Variants in ZNF385D observed in about 807,000 individuals in gnomAD.
The protein encoded by ZNF385D is zinc finger protein 385D.
ZNF385D carries 15 observed loss-of-function variants against 35.8 expected under a neutral mutation model. The ratio of observed to expected loss-of-function variants is 0.42; its 90% confidence interval spans 0.28 to 0.64. The LOEUF is 0.64. Ranked by LOEUF, ZNF385D falls within the 30% of genes least tolerant of loss-of-function variation. ZNF385D has a pLI of 0.23. For missense variants in ZNF385D, 474 were observed against 494.6 expected, an observed-to-expected ratio of 0.96 and a Z score of 0.39; for synonymous variants, 212 against 186.8, an observed-to-expected ratio of 1.13 and a Z score of -1.10.
chr3:21,967,899 G>A (rs1458412712), intron 3 of ZNF385D, among the ~76,000 whole-genome samples: 2 of 152,112 alleles, frequency 1.3e-5, no homozygotes, highest in African/African-American at 2.4e-5. Flanking sequence ...ACCACCATAA[G>A]AACTAAAAAT....
intron 3 of ZNF385D, among the ~76,000 whole-genome samples, chr3:21,842,132 C>A (rs1695721711): frequency 6.6e-6 from 1 of 151,824 alleles, no homozygotes. Flanking sequence ...AGATGAAAAA[C>A]CAATGACAGA....
At chr3:22,209,693 C>A (rs1300982922) in intron 2 of ZNF385D, among the ~76,000 whole-genome samples, 1 of 151,760 alleles carries the variant, frequency 6.6e-6, no homozygotes, top group African/African-American at 2.4e-5. Context: ...ATCATTACTG[C>A]TGATTCCACC....
At chr3:21,952,945 G>A (rs910868600) in intron 3 of ZNF385D, among the ~76,000 whole-genome samples, 4 of 151,934 alleles carry the variant, frequency 2.6e-5, no homozygotes, top group African/African-American at 9.7e-5. Context: ...CTTTCAAAGA[G>A]GTTTCCCATG....
chr3:21,826,706 T>C (rs1003041070), intron 3 of ZNF385D, among the ~76,000 whole-genome samples: 7 of 151,850 alleles, frequency 4.6e-5, no homozygotes, highest in African/African-American at 7.3e-5. Flanking sequence ...TTACAAATAA[T>C]TGGAGTCTTC....
chr3:21,932,255 A>T (rs1193910582), intron 3 of ZNF385D, among the ~76,000 whole-genome samples: 1 of 151,446 alleles, frequency 6.6e-6, no homozygotes, highest in Non-Finnish European at 1.5e-5. Flanking sequence ...AGGAAACAGT[A>T]ATCTAAATGA....
chr3:21,713,701 G>C (rs894827223), intron 1 of ZNF385D, among the ~76,000 whole-genome samples: 1 of 152,052 alleles, frequency 6.6e-6, no homozygotes, highest in East Asian at 1.9e-4. Flanking sequence ...CAGTTCACTG[G>C]AGTATCTGAT....
chr3:22,085,751 A>G (rs1352914267), intron 3 of ZNF385D, among the ~76,000 whole-genome samples: 1 of 152,198 alleles, frequency 6.6e-6, no homozygotes, highest in Non-Finnish European at 1.5e-5. Flanking sequence ...GACACAATAA[A>G]AAAAGAAACT....
At chr3:22,254,130 T>A (rs1700195677) in intron 2 of ZNF385D, among the ~76,000 whole-genome samples, 1 of 151,828 alleles carries the variant, frequency 6.6e-6, no homozygotes, top group South Asian at 2.1e-4. Flanking sequence ...TGTATACAGT[T>A]TCCTCATGAT....
At chr3:22,267,421 A>G (rs1700952813) in intron 2 of ZNF385D, among the ~76,000 whole-genome samples, 1 of 151,894 alleles carries the variant, frequency 6.6e-6, no homozygotes, top group South Asian at 2.1e-4. Flanking sequence ...TCTCTGAAAA[A>G]AAAATATAAG....
At chr3:22,008,360 C>CGTTTTTTTTTTTT (rs773952386) in intron 3 of ZNF385D, among the ~76,000 whole-genome samples, 2 of 131,938 alleles carry the variant, frequency 1.5e-5, no homozygotes, top group Non-Finnish European at 3.1e-5. Context: ...CCATGATTTT[C>CGTTTTTTTTTTTT]TTTTTTTTTT....
chr3:21,443,094 C>G (rs1166245105), intron 4 of ZNF385D: 8 of 980,860 alleles, frequency 8.2e-6, no homozygotes, highest in Non-Finnish European at 9.7e-6. Context: ...GTAGAAAGTG[C>G]TTTAAACGGC....
At chr3:21,949,065 T>G (rs1014950699) in intron 3 of ZNF385D, among the ~76,000 whole-genome samples, 1 of 152,214 alleles carries the variant, frequency 6.6e-6, no homozygotes, top group Non-Finnish European at 1.5e-5. Flanking sequence ...CTTACATGTA[T>G]TTAGTTACTA....
intron 2 of ZNF385D, among the ~76,000 whole-genome samples, chr3:21,594,661 A>G (rs2064080530): frequency 6.6e-6 from 1 of 152,192 alleles, no homozygotes; most frequent in South Asian, 2.1e-4. Context: ...CTTGGTGATC[A>G]GTCTGATGTG....
At chr3:21,518,449 T>C (rs2125493414) in intron 3 of ZNF385D, among the ~76,000 whole-genome samples, 1 of 152,306 alleles carries the variant, frequency 6.6e-6, no homozygotes, top group Non-Finnish European at 1.5e-5. Context: ...CTCATTACTT[T>C]TATCTCTATA....
chr3:21,897,234 G>A (rs1026599168), intron 3 of ZNF385D, among the ~76,000 whole-genome samples: 2 of 152,128 alleles, frequency 1.3e-5, no homozygotes, highest in Non-Finnish European at 2.9e-5. Flanking sequence ...CTGCCACATG[G>A]CTATTTCAGA....
chr3:22,017,137 T>C (rs3886850), intron 3 of ZNF385D, among the ~76,000 whole-genome samples: 36,874 of 151,978 alleles, frequency 0.24, 5,079 homozygotes, highest in East Asian at 0.45. Flanking sequence ...CATTTTGTTA[T>C]ATATTTTTAT....
chr3:21,812,245 G>A (rs556969429), intron 3 of ZNF385D, among the ~76,000 whole-genome samples: 19 of 152,198 alleles, frequency 1.2e-4, no homozygotes, highest in Admixed American at 7.2e-4. Flanking sequence ...CAAGATGGTC[G>A]AATAGGAACA....
intron 4 of ZNF385D, among the ~76,000 whole-genome samples, chr3:21,491,590 G>A (rs757574245): frequency 5.3e-5 from 8 of 152,116 alleles, no homozygotes; most frequent in Non-Finnish European, 1.0e-4. Context: ...CTTAATATTT[G>A]GAGGTATCTA....
At chr3:21,737,108 T>C (rs1345642900) in intron 1 of ZNF385D, among the ~76,000 whole-genome samples, 2 of 152,088 alleles carry the variant, frequency 1.3e-5, no homozygotes, top group East Asian at 3.9e-4. Flanking sequence ...CCTGGATAAT[T>C]TTTGTATTTT....
Sources: gnomAD v4.1 joint callset for allele counts (sites outside exome capture counted in the v4.1 genomes callset) on GRCh38, gnomAD v4.1.1 for gene constraint, MANE v1.5 for transcripts, NCBI Gene and HGNC (gene_info 2026-07-23, HGNC 2026-07-21) for gene names.